The following LTB4R variants were observed in gnomAD, a reference collection of about 807,000 sequenced individuals.
LTB4R encodes the protein leukotriene B4 receptor 1.
For missense variants in LTB4R, 470 were observed against 485.6 expected, an observed-to-expected ratio of 0.97 and a Z score of 0.30; for synonymous variants, 250 against 230.7, an observed-to-expected ratio of 1.08 and a Z score of -0.76.
In LTB4R at chr14:24,316,559, A is replaced by G. The variant is rs1301842333; in HGVS notation, c.908A>G (p.Lys303Arg). Residue 303 changes from lysine (K) to arginine (R), a missense_variant, in exon 2 of 2, where the codon AAG becomes AGG. By Grantham distance (26) the Lys-to-Arg change is conservative (BLOSUM62 2). Transcript: ENST00000345363. ...LRSAGVGFVA[K>R]LLEGTGSEAS... is the part of the protein sequence containing the mutation. ...TCGGCGGGCGTGGGCTTCGTCGCCA[A>G]GCTGCTGGAGGGCACGGGCTCCGAG... 4 of 1,434,448 alleles carry G rather than the reference A, an allele frequency of 2.8e-6. No individual in the cohort carries two copies. The African/African-American group carries it at 6.0e-5, about 22-fold the overall frequency. 88.9% of individuals were successfully genotyped at this position (1,434,448 alleles called of 1,614,324 possible).
Position 24,316,520 on chromosome 14 carries a change from G to C in LTB4R, c.869G>C (p.Gly290Ala). The change falls in exon 2 of 2, where the codon GGC (glycine) becomes GCC (alanine). Residue 290 changes from glycine (G) to alanine (A), a missense_variant. Gly to Ala is a moderately conservative substitution (Grantham distance 60, BLOSUM62 0). Transcript: ENST00000345363. Reference sequence around the variant, plus strand: ...CCCGTGCTGTACGCGTGCGCCGGCGGCGGCCTGCTGCGCTCGGCGGGCGTG... The same window carrying C: ...CCCGTGCTGTACGCGTGCGCCGGCGCCGGCCTGCTGCGCTCGGCGGGCGTG... ...VNPVLYACAGGGLLRSAGVGF... is the reference protein window; with the variant it reads ...VNPVLYACAGAGLLRSAGVGF... The C allele has an allele frequency of 4.1e-6, 6 of 1,470,898 alleles. No homozygotes were observed. Among genetic ancestry groups the C allele is most frequent in the Non-Finnish European group, 5.4e-6 (6 of 1,118,008 alleles). The allele number at this position is 1,470,898 out of a possible 1,614,324, so 91.1% of individuals were successfully genotyped here.
rs765399475 is a variant in LTB4R at position 24,311,699 on chromosome 14, G to C, written c.-121G>C. ...GGCAGGGCCGCGGCAATGGAGACCC[G>C]GGGGGTGGGATGGAGAAGGACGGTC... On this transcript the variant is annotated 5_prime_UTR_variant, in exon 1 of 2. Transcript: ENST00000345363. 8.7e-6 allele frequency: 14 copies of C among 1,604,636 alleles called. No homozygotes were observed. In the Admixed American group the frequency reaches 2.0e-4, roughly 23 times the overall value.
Position 24,316,931 on chromosome 14 carries a change from T to G in LTB4R, c.*221T>G, listed in dbSNP as rs1230067296. 3 of 438,476 alleles carry G rather than the reference T, an allele frequency of 6.8e-6. No homozygotes were observed. The highest frequency in any genetic ancestry group is 1.2e-5 in the Non-Finnish European group (3 of 240,084). The allele number at this position is 438,476 out of a possible 1,614,324, so 27.2% of individuals were successfully genotyped here. A position where few individuals can be genotyped will look rare whatever the true frequency, so the allele number is the denominator to read the frequency against. On this transcript the variant is annotated 3_prime_UTR_variant, in exon 2 of 2. Transcript: ENST00000345363. ...GCAGCTTTAACCATTAAAACTGAAG[T>G]CTGAAATTTGGTCAACCTTGTGAGT... is the stretch of plus-strand genomic sequence containing the variant.
In LTB4R at chr14:24,316,515, C is replaced by A; in HGVS notation, c.864C>A (p.Ala288=). 1 of 1,481,786 alleles carries A rather than the reference C, an allele frequency of 6.7e-7. No individual in the cohort carries two copies. The highest frequency in any genetic ancestry group is 1.3e-5 in the South Asian group (1 of 75,626). 91.8% of individuals were successfully genotyped at this position (1,481,786 alleles called of 1,614,324 possible). A position where few individuals can be genotyped will look rare whatever the true frequency, so the allele number is the denominator to read the frequency against. ...TGAACCCCGTGCTGTACGCGTGCGC[C>A]GGCGGCGGCCTGCTGCGCTCGGCGG... ...SSVNPVLYAC[A]GGGLLRSAGV... The change falls in exon 2 of 2, where the codon GCC becomes GCA. Residue 288 remains alanine, a synonymous_variant. Transcript: ENST00000345363.
chr14:24,316,312 C>T lies in LTB4R; in HGVS notation c.661C>T (p.Arg221Cys), dbSNP rs755723597. 1 of 1,601,010 alleles carries T rather than the reference C, an allele frequency of 6.2e-7. No individual in the cohort carries two copies. The highest frequency in any genetic ancestry group is 8.5e-7 in the Non-Finnish European group (1 of 1,175,212). ...CTTCCGCCGCAGCCGCCGCACCGGC[C>T]GCCTGGTGGTGCTCATCATCCTGAC... ...RRFRRSRRTGRLVVLIILTFA... is the reference protein window; with the variant it reads ...RRFRRSRRTGCLVVLIILTFA... Residue 221 changes from arginine (R) to cysteine (C), a missense_variant, in exon 2 of 2, where the codon CGC becomes TGC. Transcript: ENST00000345363.
At position 24,311,566 on chromosome 14, in the gene LTB4R, C is replaced by G; in HGVS notation, c.-254C>G. The stretch of plus-strand genomic sequence containing the variant: ...GGAGATCTGCTGCCCCGGGCAGGTC[C>G]CCGTTTCCTCACGCGGCTCTTCGAA... On this transcript the variant is annotated 5_prime_UTR_variant, in exon 1 of 2. Coordinates refer to ENST00000345363, the MANE Select transcript of LTB4R (RefSeq NM_001143919.3). The G allele has an allele frequency of 6.2e-7, 1 of 1,609,892 alleles. No individual in the cohort carries two copies. Among genetic ancestry groups the G allele is most frequent in the Non-Finnish European group, 8.5e-7 (1 of 1,179,998 alleles).
At position 24,316,004 on chromosome 14, in the gene LTB4R, C is replaced by T. The variant is rs760292334; in HGVS notation, c.353C>T (p.Ala118Val). 3 of 1,613,708 alleles carry T rather than the reference C, an allele frequency of 1.9e-6. No homozygotes were observed. Among genetic ancestry groups the T allele is most frequent in the African/African-American group, 1.3e-5 (1 of 74,948 alleles). Residue 118 changes from alanine to valine, a missense_variant, in exon 2 of 2, where the codon GCG becomes GTG. By Grantham distance (64) the Ala-to-Val change is moderately conservative (BLOSUM62 0). Coordinates refer to ENST00000345363, the MANE Select transcript of LTB4R (RefSeq NM_001143919.3). ...GCCATGAGTCTAGACCGCTCACTGG[C>T]GGTGGCCCGCCCCTTTGTGTCCCAG... Reference protein sequence around the residue: ...ITAMSLDRSLAVARPFVSQKL... With the variant: ...ITAMSLDRSLVVARPFVSQKL...
In LTB4R at chr14:24,315,814, C is replaced by G. The variant is rs1329578881; in HGVS notation, c.163C>G (p.Leu55Val). 6.2e-7 allele frequency: 1 copy of G among 1,614,150 alleles called. No individual in the cohort carries two copies. Among genetic ancestry groups the G allele is most frequent in the Admixed American group, 1.7e-5 (1 of 60,018 alleles). Residue 55 changes from leucine (L) to valine (V), a missense_variant, in exon 2 of 2, where the codon CTG becomes GTG. Coordinates refer to ENST00000345363, the MANE Select transcript of LTB4R (RefSeq NM_001143919.3). ...KRMQKRSVTA[L>V]MVLNLALADL... The stretch of plus-strand genomic sequence containing the variant: ...GATGCAGAAGCGCTCTGTCACTGCC[C>G]TGATGGTGCTGAACCTGGCCCTGGC...
At position 24,317,626 on chromosome 14, in the gene LTB4R, T is replaced by A. The variant is rs1379212972; in HGVS notation, c.*916T>A. The A allele has an allele frequency of 3.0e-5, 5 of 166,790 alleles. No individual in the cohort carries two copies. Among genetic ancestry groups the A allele is most frequent in the African/African-American group, 1.2e-4 (5 of 41,368 alleles). The allele number at this position is 166,790 out of a possible 1,614,324, so 10.3% of individuals were successfully genotyped here. On this transcript the variant is annotated 3_prime_UTR_variant, in exon 2 of 2. Coordinates refer to ENST00000345363, the MANE Select transcript of LTB4R (RefSeq NM_001143919.3). ...CAGTGGCAGCAGTGTACTTTTTGGATCTTTCTCATAAAAAAACAAAAGAGC... is the reference window on the plus strand; with the variant it reads ...CAGTGGCAGCAGTGTACTTTTTGGAACTTTCTCATAAAAAAACAAAAGAGC...
chr14:24,314,423 C>T (rs775841963), intron 1 of LTB4R: 1 of 152,256 alleles, frequency 6.6e-6, no homozygotes, highest in Non-Finnish European at 1.5e-5. Flanking sequence ...TCGGCATTTA[C>T]TGATGTGCCC....
Position 24,316,465 on chromosome 14 carries a change from G to A in LTB4R, c.814G>A (p.Ala272Thr). ...GAGCCTGGCCCGCAACGTGCTCATC[G>A]CACTCGCCTTCCTGAGCAGCAGCGT... ...RLSLARNVLI[A>T]LAFLSSSVNP... is the part of the protein sequence containing the mutation. The change falls in exon 2 of 2, where the codon GCA becomes ACA. Residue 272 changes from alanine to threonine, a missense_variant. Transcript: ENST00000345363. The A allele has an allele frequency of 6.4e-7, 1 of 1,563,592 alleles. No individual in the cohort carries two copies. The highest frequency in any genetic ancestry group is 8.6e-7 in the Non-Finnish European group (1 of 1,157,288).
rs1399646815 is a variant in LTB4R, at chr14:24,317,424, A to G, written c.*714A>G. ...TAGATCTTATCCCTTAGAATTTTGC[A>G]TATCAGCATCTGCTAACCTCCACAA... On this transcript the variant is annotated 3_prime_UTR_variant, in exon 2 of 2. Coordinates refer to ENST00000345363, the MANE Select transcript of LTB4R (RefSeq NM_001143919.3). 5 of 167,106 alleles carry G rather than the reference A, an allele frequency of 3.0e-5. No individual in the cohort carries two copies. In the East Asian group the frequency reaches 7.7e-4, roughly 26 times the overall value. The allele number at this position is 167,106 out of a possible 1,614,324, so 10.4% of individuals were successfully genotyped here.
At chr14:24,314,139 T>C (rs1205489839) in intron 1 of LTB4R, 1 of 152,106 alleles carries the variant, frequency 6.6e-6, no homozygotes, top group Non-Finnish European at 1.5e-5. Flanking sequence ...AGTGCCAATC[T>C]CCTTGCCCAG....
At position 24,316,391 on chromosome 14, in the gene LTB4R, G is replaced by A; in HGVS notation, c.740G>A (p.Arg247His). 1 of 1,586,550 alleles carries A rather than the reference G, an allele frequency of 6.3e-7. No homozygotes were observed. The highest frequency in any genetic ancestry group is 1.1e-5 in the South Asian group (1 of 89,196). ...GTGGTGAACCTGGCTGAGGCGGGCC[G>A]CGCGCTGGCCGGCCAGGCCGCCGGG... ...YHVVNLAEAG[R>H]ALAGQAAGLG... Residue 247 changes from arginine (R) to histidine (H), a missense_variant, in exon 2 of 2, where the codon CGC becomes CAC. Transcript: ENST00000345363.
In LTB4R at chr14:24,316,013, GC is replaced by G; in HGVS notation, c.366del (p.Phe123LeufsTer36). On this transcript the variant is annotated frameshift_variant, in exon 2 of 2. Coordinates refer to ENST00000345363, the MANE Select transcript of LTB4R (RefSeq NM_001143919.3). LOFTEE classifies it low-confidence loss of function (END_TRUNC). ...MSLDRSLAVARPFVSQKLRTK... is the reference protein window; with the variant it reads ...MSLDRSLAVAXPFVSQKLRTK... ...CTAGACCGCTCACTGGCGGTGGCCC[GC>G]CCCTTTGTGTCCCAGAAGCTACGCA... 1 of 1,613,740 alleles carries G rather than the reference GC, an allele frequency of 6.2e-7. No individual in the cohort carries two copies. Among genetic ancestry groups the G allele is most frequent in the Non-Finnish European group, 8.5e-7 (1 of 1,180,032 alleles).
At position 24,316,524 on chromosome 14, in the gene LTB4R, C is replaced by T; in HGVS notation, c.873C>T (p.Gly291=). Residue 291 remains glycine (G), a synonymous_variant, in exon 2 of 2, where the codon GGC becomes GGT. Coordinates refer to ENST00000345363, the MANE Select transcript of LTB4R (RefSeq NM_001143919.3). ...NPVLYACAGG[G]LLRSAGVGFV... is the part of the protein sequence containing the mutation. ...TGCTGTACGCGTGCGCCGGCGGCGG[C>T]CTGCTGCGCTCGGCGGGCGTGGGCT... 2 of 1,468,088 alleles carry T rather than the reference C, an allele frequency of 1.4e-6. No homozygotes were observed. Among genetic ancestry groups the T allele is most frequent in the African/African-American group, 1.5e-5 (1 of 67,432 alleles). 90.9% of individuals were successfully genotyped at this position (1,468,088 alleles called of 1,614,324 possible).
At position 24,316,523 on chromosome 14, in the gene LTB4R, G is replaced by A; in HGVS notation, c.872G>A (p.Gly291Asp). 6.8e-7 allele frequency: 1 copy of A among 1,467,586 alleles called. No homozygotes were observed. The highest frequency in any genetic ancestry group is 9.0e-7 in the Non-Finnish European group (1 of 1,116,694). 90.9% of individuals were successfully genotyped at this position (1,467,586 alleles called of 1,614,324 possible). ...NPVLYACAGG[G>D]LLRSAGVGFV... The stretch of plus-strand genomic sequence containing the variant: ...GTGCTGTACGCGTGCGCCGGCGGCG[G>A]CCTGCTGCGCTCGGCGGGCGTGGGC... Residue 291 changes from glycine (G) to aspartate (D), a missense_variant, in exon 2 of 2, where the codon GGC becomes GAC. Coordinates refer to ENST00000345363, the MANE Select transcript of LTB4R (RefSeq NM_001143919.3).
In LTB4R at chr14:24,315,881, TC is replaced by T. The variant is rs768872758; in HGVS notation, c.232del (p.Leu78TrpfsTer34). 4.3e-6 allele frequency: 7 copies of T among 1,614,080 alleles called. No homozygotes were observed. In the African/African-American group the frequency reaches 6.7e-5, roughly 15 times the overall value. On this transcript the variant is annotated frameshift_variant, in exon 2 of 2. Transcript: ENST00000345363. LOFTEE classifies it low-confidence loss of function (END_TRUNC). ...CTCACTGCTCCCTTTTTCCTTCACT[TC>T]CTGGCCCAAGGCACCTGGAGTTTTG... ...VLLTAPFFLH[F>X]LAQGTWSFGL...
At chr14:24,315,463 C>A (rs1393584248) in intron 1 of LTB4R, among the ~76,000 whole-genome samples, 174 bp from the exon 2 acceptor site, 1 of 152,172 alleles carries the variant, frequency 6.6e-6, no homozygotes, top group Non-Finnish European at 1.5e-5. Flanking sequence ...TCTTTGTACT[C>A]AACCAGATCC....
Sources: allele counts gnomAD v4.1 joint callset (sites outside exome capture counted in the v4.1 genomes callset), GRCh38; gene constraint gnomAD v4.1.1; transcripts MANE v1.5; gene names NCBI Gene and HGNC (gene_info 2026-07-23, HGNC 2026-07-21).